Variants in COBLL1 observed in about 807,000 individuals in gnomAD.
COBLL1 encodes the protein cordon-bleu WH2 repeat protein like 1, also known as cordon-bleu protein-like 1.
In COBLL1, 50 loss-of-function variants were observed where a neutral mutation model predicts 94.8. The observed-to-expected ratio is 0.53, with a 90% CI of 0.42 to 0.67. The LOEUF is 0.67. COBLL1 is among the 30% of genes least tolerant of loss of function. COBLL1 has a pLI of 0.00. For synonymous variants in COBLL1, 448 were observed against 473.8 expected, an observed-to-expected ratio of 0.95 and a Z score of 0.71; for missense variants, 1,362 against 1,348.7, an observed-to-expected ratio of 1.01 and a Z score of -0.15.
intron 2 of COBLL1, among the ~76,000 whole-genome samples, chr2:164,801,101 C>T (rs924687754): frequency 3.9e-5 from 6 of 152,016 alleles, no homozygotes; most frequent in African/African-American, 1.4e-4. Context: ...AGTTCAAGAC[C>T]AGCCTGGGGA....
At chr2:164,797,170 C>G (rs776365413) in intron 2 of COBLL1, among the ~76,000 whole-genome samples, 1 of 152,086 alleles carries the variant, frequency 6.6e-6, no homozygotes, top group Admixed American at 6.5e-5. Flanking sequence ...AGGTAGAATG[C>G]GAATGTAACT....
chr2:164,739,246 A>G (rs1686474174), intron 3 of COBLL1, among the ~76,000 whole-genome samples: 1 of 152,176 alleles, frequency 6.6e-6, no homozygotes, highest in Non-Finnish European at 1.5e-5. Flanking sequence ...CTCCCTGAGC[A>G]TAAAGTCTGT....
intron 2 of COBLL1, among the ~76,000 whole-genome samples, chr2:164,771,162 G>C (rs1286893559): frequency 6.6e-6 from 1 of 151,796 alleles, no homozygotes; most frequent in Non-Finnish European, 1.5e-5. Flanking sequence ...AGAGATCATT[G>C]TTTATATTTA....
At chr2:164,800,502 G>T in intron 2 of COBLL1, 1 of 700,578 alleles carries the variant, frequency 1.4e-6, no homozygotes, top group Non-Finnish European at 2.6e-6. Context: ...CTAGACAATG[G>T]TCTAGAAGTT....
At chr2:164,676,452 G>A (rs973773868), downstream of COBLL1, among the ~76,000 whole-genome samples, 8 of 152,182 alleles carry the variant, frequency 5.3e-5, no homozygotes, top group Non-Finnish European at 1.0e-4. Flanking sequence ...CCCAAGAAAT[G>A]AAGGCATTCT....
intron 2 of COBLL1, among the ~76,000 whole-genome samples, chr2:164,774,291 G>A (rs1340156661): frequency 6.6e-6 from 1 of 152,062 alleles, no homozygotes; most frequent in East Asian, 1.9e-4. Context: ...GTGGGCCCAG[G>A]GCAAACATCA....
At position 164,687,630 on chromosome 2, in the gene COBLL1, A is replaced by G. The variant is rs1683369769; in HGVS notation, c.3301-1598T>C. Reference sequence around the variant, plus strand: ...GTAATGCAAGGTCAGAGACATGAACATACATCTGAAAGGCCTATTATCAAG... The same window carrying G: ...GTAATGCAAGGTCAGAGACATGAACGTACATCTGAAAGGCCTATTATCAAG... On this transcript the variant is annotated intron_variant, in intron 13 of 13. Coordinates refer to ENST00000652658, the MANE Select transcript of COBLL1 (RefSeq NM_001365672.2). The G allele has an allele frequency of 1.0e-5, 10 of 997,806 alleles. No individual in the cohort carries two copies. The East Asian group carries it at 2.2e-4, about 22-fold the overall frequency. 61.8% of individuals were successfully genotyped at this position (997,806 alleles called of 1,614,324 possible). A position where few individuals can be genotyped will look rare whatever the true frequency, so the allele number is the denominator to read the frequency against.
At chr2:164,736,755 C>A (rs1487901964) in intron 3 of COBLL1, among the ~76,000 whole-genome samples, 2 of 151,956 alleles carry the variant, frequency 1.3e-5, no homozygotes, top group South Asian at 2.1e-4. Flanking sequence ...AGATGGAAAT[C>A]ATTAACTGAA....
intron 2 of COBLL1, among the ~76,000 whole-genome samples, chr2:164,812,158 G>T (rs1024663119): frequency 6.6e-6 from 1 of 151,740 alleles, no homozygotes; most frequent in Non-Finnish European, 1.5e-5. Context: ...ACAAATAAAA[G>T]AACAAAATCA....
rs1685472006 is a variant in COBLL1 at position 164,722,071 on chromosome 2, A to ACCTTATCTGTCTCATCTACG, written c.996+3_996+4insCGTAGATGAGACAGATAAGG. ...AAAACAAAATAGAAAACAAAACTAC[A>ACCTTATCTGTCTCATCTACG]CACCTTATCTGTCTCATCCACGCTC... On this transcript the variant is annotated splice_donor_region_variant and intron_variant, in intron 7 of 13. Transcript: ENST00000652658. 1 of 1,559,798 alleles carries ACCTTATCTGTCTCATCTACG rather than the reference A, an allele frequency of 6.4e-7. No individual in the cohort carries two copies. The highest frequency in any genetic ancestry group is 1.4e-5 in the African/African-American group (1 of 72,426).
At chr2:164,736,096 A>T (rs532295337) in intron 3 of COBLL1, among the ~76,000 whole-genome samples, 14 of 152,320 alleles carry the variant, frequency 9.2e-5, no homozygotes, top group African/African-American at 3.4e-4. Context: ...GAAATGAAGA[A>T]ATCCCTATGA....
intron 2 of COBLL1, among the ~76,000 whole-genome samples, chr2:164,760,477 A>G (rs1250881223): frequency 6.6e-6 from 1 of 152,118 alleles, no homozygotes; most frequent in Non-Finnish European, 1.5e-5. Context: ...GTGCAGTTAC[A>G]TAAATCTACA....
intron 2 of COBLL1, chr2:164,779,605 G>A (rs973550883): frequency 2.1e-6 from 1 of 465,838 alleles, no homozygotes; most frequent in Non-Finnish European, 4.4e-6. Flanking sequence ...TATTTCCACA[G>A]GACGCTTCCC....
At position 164,702,334 on chromosome 2, in the gene COBLL1, A is replaced by T. The variant is rs146304982; in HGVS notation, c.1226-1578T>A. 2.9e-4 allele frequency among the ~76,000 whole-genome samples: 44 copies of T among 151,790 alleles called. No individual in the cohort carries two copies. The South Asian group carries it at 7.5e-3, about 26-fold the overall frequency. The stretch of plus-strand genomic sequence containing the variant: ...ATCCCAGCACTTTGGGAGGCTGAGG[A>T]GGGCGGATCACAAGGTCAGGAGATC... On this transcript the variant is annotated intron_variant, in intron 9 of 13. Coordinates refer to ENST00000652658, the MANE Select transcript of COBLL1 (RefSeq NM_001365672.2).
At chr2:164,775,099 T>G (rs1262720262) in intron 2 of COBLL1, among the ~76,000 whole-genome samples, 1 of 151,742 alleles carries the variant, frequency 6.6e-6, no homozygotes, top group African/African-American at 2.4e-5. Flanking sequence ...GAGGTTGCAG[T>G]GAGCTGAGAC....
chr2:164,674,264 T>C (rs932626045), intron 1 of COBLL1, among the ~76,000 whole-genome samples: 2 of 152,216 alleles, frequency 1.3e-5, no homozygotes, highest in Admixed American at 6.5e-5. Context: ...TTTCACCGTG[T>C]TGGCCAGGAT....
At chr2:164,780,399 T>C (rs1178072133) in intron 2 of COBLL1, among the ~76,000 whole-genome samples, 1 of 152,194 alleles carries the variant, frequency 6.6e-6, no homozygotes, top group Non-Finnish European at 1.5e-5. Context: ...TATAAAAGTT[T>C]AAATTTATAA....
intron 3 of COBLL1, among the ~76,000 whole-genome samples, chr2:164,733,054 C>CA (rs1197693288): frequency 6.6e-6 from 1 of 152,102 alleles, no homozygotes; most frequent in Non-Finnish European, 1.5e-5. Context: ...GACTCCATCT[C>CA]AAAAAACAAA....
At chr2:164,802,366 TAATGTAGGCTAAGATTGAAC>T (rs1160634589) in intron 2 of COBLL1, among the ~76,000 whole-genome samples, 1 of 152,224 alleles carries the variant, frequency 6.6e-6, no homozygotes. Flanking sequence ...TGCACCTCTA[TAATGTAGGCTAAGATTGAAC>T]AATTCATACA....
Sources: allele counts gnomAD v4.1 joint callset (sites outside exome capture counted in the v4.1 genomes callset), GRCh38; gene constraint gnomAD v4.1.1; transcripts MANE v1.5; gene names NCBI Gene and HGNC (gene_info 2026-07-23, HGNC 2026-07-21).